The following WDPCP variants were observed in gnomAD, a reference collection of about 807,000 sequenced individuals.
WDPCP encodes WD repeat containing planar cell polarity effector, also known as WD repeat-containing and planar cell polarity effector protein fritz homolog.
Under a neutral mutation model 93.1 loss-of-function variants are expected in WDPCP, and 71 were observed. That is an observed-to-expected ratio of 0.76 (90% CI 0.63 to 0.93). The LOEUF (loss-of-function observed/expected upper bound fraction) is 0.93, where lower values mean the gene tolerates loss of function less well. Among genes scored for constraint, WDPCP ranks in the 40% least tolerant of loss-of-function variants. WDPCP has a pLI of 0.00. For synonymous variants in WDPCP, 315 were observed against 315.0 expected (o/e 1.00, Z 0.00); for missense variants, 844 against 887.4 (o/e 0.95, Z 0.62).
At chr2:63,645,322 CTT>C (rs1558874270) in intron 3 of WDPCP, among the ~76,000 whole-genome samples, 4 of 152,136 alleles carry the variant, frequency 2.6e-5, no homozygotes, top group South Asian at 2.1e-4. Flanking sequence ...CAAAATTCCT[CTT>C]GTTATTAGCT....
At chr2:63,305,401 G>C (rs1478279782) in intron 13 of WDPCP, among the ~76,000 whole-genome samples, 1 of 152,152 alleles carries the variant, frequency 6.6e-6, no homozygotes, top group Non-Finnish European at 1.5e-5. Flanking sequence ...AGCGATCTTT[G>C]CTGTTCTGCA....
chr2:63,730,408 C>G (rs758685948), intron 2 of WDPCP, among the ~76,000 whole-genome samples: 2 of 152,060 alleles, frequency 1.3e-5, no homozygotes, highest in Non-Finnish European at 2.9e-5. Flanking sequence ...AATGGTCAGG[C>G]CTTTATCAGG....
At chr2:63,794,475 A>T (rs1016188374) in intron 2 of WDPCP, among the ~76,000 whole-genome samples, 1 of 152,242 alleles carries the variant, frequency 6.6e-6, no homozygotes, top group Non-Finnish European at 1.5e-5. Context: ...AAAGACTGCT[A>T]AAGAAAAAGT....
At chr2:63,714,106 A>G (rs1425622563) in intron 2 of WDPCP, among the ~76,000 whole-genome samples, 1 of 146,266 alleles carries the variant, frequency 6.8e-6, no homozygotes, top group Non-Finnish European at 1.5e-5. Context: ...CCCAGGCTGC[A>G]GTGCAGTGGT....
chr2:63,815,917 CAGGT>C (rs1670927305), intron 1 of WDPCP, among the ~76,000 whole-genome samples: 1 of 150,258 alleles, frequency 6.7e-6, no homozygotes, highest in Non-Finnish European at 1.5e-5. Flanking sequence ...TCACTTTAAT[CAGGT>C]ACTCCTGATA....
At chr2:63,513,133 T>G (rs1702341236) in intron 1 of WDPCP, among the ~76,000 whole-genome samples, 1 of 152,008 alleles carries the variant, frequency 6.6e-6, no homozygotes, top group African/African-American at 2.4e-5. Context: ...TAAAGAAGAC[T>G]TACACTTCTG....
At chr2:63,297,735 A>C (rs1042146334) in intron 13 of WDPCP, among the ~76,000 whole-genome samples, 2 of 152,130 alleles carry the variant, frequency 1.3e-5, no homozygotes, top group Admixed American at 1.3e-4. Flanking sequence ...GGTAGACCTA[A>C]ATACTGGTAT....
chr2:63,495,080 GC>G (rs200614336), intron 1 of WDPCP, among the ~76,000 whole-genome samples: 1,553 of 152,192 alleles, frequency 0.01, 14 homozygotes, highest in Non-Finnish European at 0.015. Context: ...TGCATTAAAT[GC>G]CTTTAAAGCT....
In WDPCP at chr2:63,281,961, T is replaced by A. The variant is rs141533310; in HGVS notation, c.1813-22552A>T. 2.0e-5 allele frequency among the ~76,000 whole-genome samples: 3 copies of A among 151,842 alleles called. No individual in the cohort carries two copies. In the East Asian group the frequency reaches 5.8e-4, roughly 29 times the overall value. The stretch of plus-strand genomic sequence containing the variant: ...TGTAACCAAACACAACCTGTTTCCC[T>A]AAAACCTATTGAAATAAAAAAAAAA... On this transcript the variant is annotated intron_variant, in intron 13 of 17. Coordinates refer to ENST00000272321, the MANE Select transcript of WDPCP (RefSeq NM_015910.7).
chr2:63,809,573 A>C (rs1344029277), intron 2 of WDPCP, among the ~76,000 whole-genome samples: 32 of 152,290 alleles, frequency 2.1e-4, no homozygotes, highest in Non-Finnish European at 3.1e-4. Flanking sequence ...ACCAAGAAAA[A>C]TTCTTCTGCC....
At chr2:63,339,666 T>C (rs191775272) in intron 12 of WDPCP, among the ~76,000 whole-genome samples, 4 of 152,304 alleles carry the variant, frequency 2.6e-5, no homozygotes. Context: ...CTTTTCCAGT[T>C]TGGATGCCCT....
intron 2 of WDPCP, among the ~76,000 whole-genome samples, chr2:63,670,760 G>T (rs188785639): frequency 6.4e-4 from 97 of 152,284 alleles, no homozygotes; most frequent in African/African-American, 2.2e-3. Context: ...AATGGCATCT[G>T]AGGTTACTAA....
intron 2 of WDPCP, among the ~76,000 whole-genome samples, chr2:63,776,776 C>T (rs1473591793): frequency 6.6e-6 from 1 of 151,814 alleles, no homozygotes; most frequent in African/African-American, 2.4e-5. Flanking sequence ...TACTATTTAG[C>T]CATAAAAAAT....
intron 13 of WDPCP, among the ~76,000 whole-genome samples, chr2:63,301,056 T>G (rs1685294537): frequency 6.6e-6 from 1 of 152,198 alleles, no homozygotes; most frequent in South Asian, 2.1e-4. Context: ...GCCCTTGGTC[T>G]AGAGAGCACA....
At chr2:63,361,769 G>A (rs1270418754) in intron 12 of WDPCP, among the ~76,000 whole-genome samples, 1 of 152,132 alleles carries the variant, frequency 6.6e-6, no homozygotes, top group Admixed American at 6.6e-5. Flanking sequence ...TGAAAAGAGA[G>A]AGGAGCAGTG....
chr2:63,727,549 A>G (rs148283217), intron 2 of WDPCP, among the ~76,000 whole-genome samples: 123 of 152,330 alleles, frequency 8.1e-4, no homozygotes, highest in African/African-American at 2.6e-3. Flanking sequence ...TGGTATCAGC[A>G]TGATGTTGGC....
intron 3 of WDPCP, chr2:63,642,571 G>C (rs1002440028): frequency 2.0e-5 from 3 of 151,226 alleles, no homozygotes; most frequent in African/African-American, 4.9e-5. Flanking sequence ...TATTGTAAAT[G>C]GGATTAGTAT....
intron 2 of WDPCP, among the ~76,000 whole-genome samples, chr2:63,665,358 TCTCTGCCTTCACA>T (rs1236149486): frequency 6.6e-6 from 1 of 152,192 alleles, no homozygotes; most frequent in African/African-American, 2.4e-5. Context: ...ATCGTCCCAA[TCTCTGCCTTCACA>T]TGGCATCCTC....
At chr2:63,347,077 T>C (rs1023495535) in intron 12 of WDPCP, among the ~76,000 whole-genome samples, 2 of 152,106 alleles carry the variant, frequency 1.3e-5, no homozygotes, top group African/African-American at 2.4e-5. Context: ...CTAACAACAA[T>C]AGCCACAGTA....
Sources: gnomAD v4.1 joint callset for allele counts (sites outside exome capture counted in the v4.1 genomes callset) on GRCh38, gnomAD v4.1.1 for gene constraint, MANE v1.5 for transcripts, NCBI Gene and HGNC (gene_info 2026-07-23, HGNC 2026-07-21) for gene names.